Variants in ZNF385B observed in about 807,000 individuals in gnomAD.
The protein encoded by ZNF385B is zinc finger protein 385B.
ZNF385B carries 23 observed loss-of-function variants against 39.2 expected under a neutral mutation model. That is an observed-to-expected ratio of 0.59 (90% CI 0.42 to 0.83). The LOEUF (loss-of-function observed/expected upper bound fraction) is 0.83. Among genes scored for constraint, ZNF385B ranks in the 40% least tolerant of loss-of-function variants. The pLI, the probability that ZNF385B is intolerant of heterozygous loss-of-function variation, is 0.00. For synonymous variants in ZNF385B, 205 were observed against 222.6 expected (o/e 0.92, Z 0.70); for missense variants, 552 against 598.9 (o/e 0.92, Z 0.82).
intron 3 of ZNF385B, among the ~76,000 whole-genome samples, chr2:179,688,691 C>T (rs1378759137): frequency 3.3e-5 from 5 of 152,102 alleles, no homozygotes; most frequent in Non-Finnish European, 5.9e-5. Context: ...TTAATATCGA[C>T]CCTCTAGCAT....
chr2:179,543,665 C>CTTT (rs796735240), intron 4 of ZNF385B, among the ~76,000 whole-genome samples: 1 of 146,696 alleles, frequency 6.8e-6, no homozygotes, highest in African/African-American at 2.5e-5. Context: ...CCTTTTGTAA[C>CTTT]TTTTTTTTTT....
rs145395295 is a variant in ZNF385B at position 179,794,762 on chromosome 2, G to C, written c.-154-24090C>G. 6.5e-3 allele frequency among the ~76,000 whole-genome samples: 983 copies of C among 152,200 alleles called. 5 individuals are homozygous for C. The highest frequency in any genetic ancestry group is 8.7e-3 in the Non-Finnish European group (594 of 68,008). On this transcript the variant is annotated intron_variant, in intron 1 of 9. Coordinates refer to ENST00000410066, the MANE Select transcript of ZNF385B (RefSeq NM_152520.6). ...GAATCTGCAATCATAATAGAGGAAA[G>C]AGGGATCAATGTGACTTCAGGAGTC...
intron 1 of ZNF385B, among the ~76,000 whole-genome samples, chr2:179,840,542 G>C (rs904508944): frequency 6.6e-6 from 1 of 152,168 alleles, no homozygotes; most frequent in African/African-American, 2.4e-5. Context: ...ATCCAGGAGA[G>C]AGATAAATTC....
chr2:179,532,137 C>T (rs893703399), intron 4 of ZNF385B, among the ~76,000 whole-genome samples: 5 of 152,270 alleles, frequency 3.3e-5, no homozygotes, highest in Admixed American at 1.3e-4. Flanking sequence ...ATTATTCTCA[C>T]GTGACTGCAA....
At chr2:179,815,783 T>C (rs760019182) in intron 1 of ZNF385B, among the ~76,000 whole-genome samples, 2 of 152,138 alleles carry the variant, frequency 1.3e-5, no homozygotes, top group Non-Finnish European at 2.9e-5. Context: ...TAGGAATCCT[T>C]CATTCTTGAA....
At chr2:179,684,542 A>G (rs991443683) in intron 3 of ZNF385B, among the ~76,000 whole-genome samples, 1 of 152,230 alleles carries the variant, frequency 6.6e-6, no homozygotes, top group Non-Finnish European at 1.5e-5. Flanking sequence ...ATGATTGTCC[A>G]TAGGCTTATA....
intron 3 of ZNF385B, among the ~76,000 whole-genome samples, chr2:179,739,134 T>C (rs191775790): frequency 2.0e-5 from 3 of 152,342 alleles, no homozygotes; most frequent in East Asian, 1.9e-4. Flanking sequence ...TGCTTACCTA[T>C]AGGATTGTTG....
At chr2:179,471,070 G>A (rs10211297) in intron 6 of ZNF385B, among the ~76,000 whole-genome samples, 8,233 of 152,206 alleles carry the variant, frequency 0.054, 240 homozygotes, top group Middle Eastern at 0.11. Context: ...TATTTTAAGA[G>A]GGCTGGTTCC....
chr2:179,481,706 G>A (rs904884919), intron 6 of ZNF385B, among the ~76,000 whole-genome samples: 1 of 152,090 alleles, frequency 6.6e-6, no homozygotes, highest in African/African-American at 2.4e-5. Flanking sequence ...TTGCTGGAAG[G>A]TAAAGAGCAT....
chr2:179,804,568 C>T (rs1163043173), intron 1 of ZNF385B, among the ~76,000 whole-genome samples: 1 of 152,152 alleles, frequency 6.6e-6, no homozygotes, highest in Non-Finnish European at 1.5e-5. Flanking sequence ...GGTATGTGAC[C>T]ATGTGCAAGT....
chr2:179,701,542 T>C (rs1699202390), intron 3 of ZNF385B, among the ~76,000 whole-genome samples: 1 of 152,208 alleles, frequency 6.6e-6, no homozygotes, highest in Non-Finnish European at 1.5e-5. Flanking sequence ...CACCCCGACA[T>C]TGTCCAAAAT....
intron 5 of ZNF385B, among the ~76,000 whole-genome samples, chr2:179,516,105 TTTTACTTTTACTTTATTTCTA>T (rs1266989667): frequency 8.7e-4 from 43 of 49,354 alleles, no homozygotes; most frequent in Admixed American, 3.9e-3. Flanking sequence ...AGTACTTTCT[TTTTACTTTTACTTTATTTCTA>T]TTTACTTTTA....
intron 1 of ZNF385B, among the ~76,000 whole-genome samples, chr2:179,831,397 T>A (rs952209856): frequency 6.6e-6 from 1 of 151,966 alleles, no homozygotes; most frequent in African/African-American, 2.4e-5. Context: ...TTAACCACAG[T>A]GCTGTATTGC....
In ZNF385B at chr2:179,458,884, A is replaced by G. The variant is rs1311401292; in HGVS notation, c.716-12114T>C. On this transcript the variant is annotated intron_variant, in intron 6 of 9. Transcript: ENST00000410066. The stretch of plus-strand genomic sequence containing the variant: ...AAAGTCACCTCTTGGAGATTTACTC[A>G]TTTCTCTGGGTACCTCCCATCAATA... Among the ~76,000 whole-genome samples the G allele has an allele frequency of 2.6e-5, 4 of 152,288 alleles. No homozygotes were observed. The East Asian group carries it at 7.7e-4, about 29-fold the overall frequency.
At chr2:179,747,348 C>T (rs146598951) in intron 3 of ZNF385B, among the ~76,000 whole-genome samples, 123 of 152,240 alleles carry the variant, frequency 8.1e-4, no homozygotes, top group South Asian at 1.9e-3. Flanking sequence ...TATGCACATG[C>T]GTGTGCGTAT....
Position 179,528,046 on chromosome 2 carries a change from C to T in ZNF385B, c.442-9408G>A, listed in dbSNP as rs559279709. Among the ~76,000 whole-genome samples the T allele has an allele frequency of 5.3e-5, 8 of 152,236 alleles. No homozygotes were observed. In the East Asian group the frequency reaches 1.5e-3, roughly 29 times the overall value. On this transcript the variant is annotated intron_variant, in intron 4 of 9. Transcript: ENST00000410066. ...ACCCACTGTAATTCAGATACTTTTA[C>T]ATGTAAAGTCATACCAAATATGCAA...
chr2:179,456,472 G>C (rs1427240291), intron 6 of ZNF385B, among the ~76,000 whole-genome samples: 3 of 152,048 alleles, frequency 2.0e-5, no homozygotes, highest in Non-Finnish European at 4.4e-5. Flanking sequence ...GATTAATGAT[G>C]CTTTGTACCT....
At chr2:179,834,425 C>G (rs1708140351) in intron 1 of ZNF385B, among the ~76,000 whole-genome samples, 2 of 152,086 alleles carry the variant, frequency 1.3e-5, no homozygotes, top group Admixed American at 6.5e-5. Context: ...GGGGCTCTTA[C>G]TAGTCAAATT....
chr2:179,637,046 T>A (rs1691825150), intron 3 of ZNF385B, among the ~76,000 whole-genome samples: 1 of 152,170 alleles, frequency 6.6e-6, no homozygotes, highest in Non-Finnish European at 1.5e-5. Context: ...AGCAAGTAAT[T>A]TCTAGTTATT....
Sources: gnomAD v4.1 joint callset for allele counts (sites outside exome capture counted in the v4.1 genomes callset) on GRCh38, gnomAD v4.1.1 for gene constraint, MANE v1.5 for transcripts, NCBI Gene and HGNC (gene_info 2026-07-23, HGNC 2026-07-21) for gene names.